Variants in MSRB3 observed in about 807,000 individuals in gnomAD.
MSRB3 encodes methionine sulfoxide reductase B3.
MSRB3 carries 13 observed loss-of-function variants against 21.0 expected under a neutral mutation model. The ratio of observed to expected loss-of-function variants is 0.62; its 90% CI spans 0.40 to 0.98. The LOEUF is 0.98. Ranked by LOEUF, MSRB3 falls within the 50% of genes least tolerant of loss-of-function variation. The pLI is 0.00. For synonymous variants in MSRB3, 87 were observed against 88.6 expected (o/e 0.98, Z 0.10); for missense variants, 199 against 230.3 (o/e 0.86, Z 0.88).
chr12:65,337,990 A>G (rs1875894695), intron 4 of MSRB3, among the ~76,000 whole-genome samples: 1 of 151,906 alleles, frequency 6.6e-6, no homozygotes, highest in Admixed American at 6.6e-5. Flanking sequence ...CCCCACCTCT[A>G]CTCCATTACA....
intron 4 of MSRB3, among the ~76,000 whole-genome samples, chr12:65,343,075 A>G (rs569404851): frequency 2.0e-5 from 3 of 152,210 alleles, no homozygotes; most frequent in South Asian, 2.1e-4. Flanking sequence ...TGTGTTACAA[A>G]CACTGAACAA....
intron 4 of MSRB3, among the ~76,000 whole-genome samples, chr12:65,350,717 G>A (rs1876913445): frequency 7.4e-6 from 1 of 134,982 alleles, no homozygotes; most frequent in Admixed American, 7.5e-5. Context: ...GACAAAGAAG[G>A]CCATTACATA....
At chr12:65,386,519 G>T (rs1483041666) in intron 5 of MSRB3, among the ~76,000 whole-genome samples, 1 of 151,902 alleles carries the variant, frequency 6.6e-6, no homozygotes, top group African/African-American at 2.4e-5. Context: ...GAAGGAATTT[G>T]TTAGGTATCA....
At chr12:65,426,014 G>A (rs868514972) in intron 5 of MSRB3, among the ~76,000 whole-genome samples, 2 of 151,936 alleles carry the variant, frequency 1.3e-5, no homozygotes, top group Non-Finnish European at 2.9e-5. Flanking sequence ...GTGCCACCAC[G>A]CCTGGCTAAT....
intron 4 of MSRB3, among the ~76,000 whole-genome samples, chr12:65,361,765 A>G (rs953309106): frequency 6.6e-6 from 1 of 152,182 alleles, no homozygotes. Flanking sequence ...GACGTATAAT[A>G]CTATATTTTG....
chr12:65,380,166 G>A (rs1488690199), intron 5 of MSRB3, among the ~76,000 whole-genome samples: 4 of 152,130 alleles, frequency 2.6e-5, no homozygotes, highest in Admixed American at 2.6e-4. Flanking sequence ...AATATGGATA[G>A]ATATAAATAA....
At chr12:65,454,252 T>C in intron 6 of MSRB3, 1 of 291,638 alleles carries the variant, frequency 3.4e-6, no homozygotes, top group Non-Finnish European at 6.5e-6. Context: ...CATGCCACTG[T>C]AGTCTAGCCT....
intron 5 of MSRB3, among the ~76,000 whole-genome samples, chr12:65,402,686 A>G (rs1359477122): frequency 6.6e-6 from 1 of 152,186 alleles, no homozygotes; most frequent in African/African-American, 2.4e-5. Flanking sequence ...TTGGAGGAGA[A>G]GAGGCATTCT....
At chr12:65,369,494 A>T (rs1189313149) in intron 5 of MSRB3, among the ~76,000 whole-genome samples, 1 of 152,186 alleles carries the variant, frequency 6.6e-6, no homozygotes, top group Non-Finnish European at 1.5e-5. Flanking sequence ...TTATTGCTAG[A>T]TGGGTGATAG....
intron 5 of MSRB3, among the ~76,000 whole-genome samples, chr12:65,371,274 G>C (rs1289246298): frequency 7.2e-6 from 1 of 139,720 alleles, no homozygotes; most frequent in Non-Finnish European, 1.5e-5. Context: ...GTTGCAGTGA[G>C]CCGAAATTCT....
intron 5 of MSRB3, chr12:65,419,133 G>C: frequency 1.5e-6 from 1 of 682,138 alleles, no homozygotes; most frequent in South Asian, 1.6e-5. Context: ...CATCTGTTGA[G>C]AGCATCATCT....
intron 5 of MSRB3, chr12:65,418,849 T>C (rs541291935): frequency 2.5e-6 from 2 of 807,872 alleles, no homozygotes; most frequent in South Asian, 2.8e-5. Context: ...AAGACTGAAG[T>C]CCTTGATGTC....
Position 65,352,594 on chromosome 12 carries a change from C to G in MSRB3, c.264-16404C>G, listed in dbSNP as rs1024279945. On this transcript the variant is annotated intron_variant, in intron 4 of 6. Transcript: ENST00000308259. ...TGTCTCAGCCCAAAATCTCCTTAAG[C>G]TGATAGGCAACTTCAGCAAAGTCTC... Among the ~76,000 whole-genome samples the G allele has an allele frequency of 2.0e-3, 302 of 151,996 alleles. 1 individual carries two copies. Among genetic ancestry groups the G allele is most frequent in the African/African-American group, 6.9e-3 (286 of 41,450 alleles).
chr12:65,317,997 T>G (rs1004322930), intron 2 of MSRB3, among the ~76,000 whole-genome samples: 56 of 152,284 alleles, frequency 3.7e-4, no homozygotes, highest in African/African-American at 1.3e-3. Context: ...AAAATATGTG[T>G]GAGCACTGTC....
Position 65,342,755 on chromosome 12 carries a change from G to GA in MSRB3, c.263+14156dup, listed in dbSNP as rs2136476381. Among the ~76,000 whole-genome samples the GA allele has an allele frequency of 2.0e-5, 3 of 152,022 alleles. No individual in the cohort carries two copies. The South Asian group carries it at 6.2e-4, about 32-fold the overall frequency. ...AGTCTATGTAAATGAGCTATATGGT[G>GA]AAAATATATCTGACATTTCAGATAA... On this transcript the variant is annotated intron_variant, in intron 4 of 6. Coordinates refer to ENST00000308259, the MANE Select transcript of MSRB3 (RefSeq NM_001031679.3).
intron 4 of MSRB3, among the ~76,000 whole-genome samples, chr12:65,361,809 T>C (rs1877723555): frequency 6.6e-6 from 1 of 152,158 alleles, no homozygotes; most frequent in Non-Finnish European, 1.5e-5. Context: ...TAGTTGTAAT[T>C]GTATCATGTT....
Position 65,463,559 on chromosome 12 carries a change from C to T in MSRB3, c.*237C>T, listed in dbSNP as rs1883428514. 5.7e-6 allele frequency: 3 copies of T among 523,072 alleles called. No individual in the cohort carries two copies. The South Asian group carries it at 6.5e-5, about 11-fold the overall frequency. The allele number at this position is 523,072 out of a possible 1,614,324, so 32.4% of individuals were successfully genotyped here. ...GAGACAGCTTTGTGAAACTTCTTCA[C>T]AAGCCACTTATACCCTTTGGCATTC... On this transcript the variant is annotated 3_prime_UTR_variant, in exon 7 of 7. Coordinates refer to ENST00000308259, the MANE Select transcript of MSRB3 (RefSeq NM_001031679.3).
intron 4 of MSRB3, among the ~76,000 whole-genome samples, chr12:65,336,619 T>A (rs148959846): frequency 6.6e-6 from 1 of 152,352 alleles, no homozygotes; most frequent in East Asian, 1.9e-4. Context: ...GGAAAACTTT[T>A]AACTGTAATT....
chr12:65,446,859 C>G (rs983265905), intron 5 of MSRB3, among the ~76,000 whole-genome samples: 5 of 152,148 alleles, frequency 3.3e-5, no homozygotes, highest in South Asian at 4.1e-4. Context: ...TCAGAATTGA[C>G]AAGAGCAAAA....
Sources: gnomAD v4.1 joint callset for allele counts (sites outside exome capture counted in the v4.1 genomes callset) on GRCh38, gnomAD v4.1.1 for gene constraint, MANE v1.5 for transcripts, NCBI Gene and HGNC (gene_info 2026-07-23, HGNC 2026-07-21) for gene names.